The following NCAM2 variants were observed in gnomAD, a reference collection of about 807,000 sequenced individuals.
The protein encoded by NCAM2 is N-CAM-2.
In NCAM2, 30 loss-of-function variants were observed where a neutral mutation model predicts 98.1. The ratio of observed to expected loss-of-function variants is 0.31; its 90% CI spans 0.23 to 0.41. NCAM2 has a LOEUF of 0.41. NCAM2 is among the 10% of genes least tolerant of loss of function. NCAM2 has a pLI of 1.00. For synonymous variants in NCAM2, 368 were observed against 342.4 expected, an observed-to-expected ratio of 1.07 and a Z score of -0.83; for missense variants, 867 against 1,005.8, an observed-to-expected ratio of 0.86 and a Z score of 1.87.
At chr21:21,073,668 C>T (rs138706438) in intron 1 of NCAM2, among the ~76,000 whole-genome samples, 3 of 152,270 alleles carry the variant, frequency 2.0e-5, no homozygotes, top group African/African-American at 7.2e-5. Flanking sequence ...CTTTAACATA[C>T]CTCAGACCGA....
At chr21:21,521,394 A>G (rs912332036) in intron 16 of NCAM2, among the ~76,000 whole-genome samples, 19 of 152,150 alleles carry the variant, frequency 1.2e-4, no homozygotes, top group African/African-American at 4.6e-4. Flanking sequence ...AAAAAATTAC[A>G]AGGAGTACTG....
chr21:21,071,666 C>A (rs904297465), intron 1 of NCAM2, among the ~76,000 whole-genome samples: 19 of 152,078 alleles, frequency 1.2e-4, no homozygotes, highest in Non-Finnish European at 2.5e-4. Flanking sequence ...ATAATATTAA[C>A]TTGGTTTTAA....
intron 6 of NCAM2, among the ~76,000 whole-genome samples, chr21:21,331,578 T>TAGAG (rs1168700185): frequency 4.7e-4 from 1 of 2,150 alleles, no homozygotes; most frequent in Non-Finnish European, 4.5e-3. Context: ...CATATATATA[T>TAGAG]AGAGAGAGAG....
At chr21:21,168,448 A>T (rs1601551425) in intron 1 of NCAM2, among the ~76,000 whole-genome samples, 1 of 152,242 alleles carries the variant, frequency 6.6e-6, no homozygotes. Flanking sequence ...TTGCTATGCA[A>T]TAAAAAAATA....
chr21:21,537,944 A>G lies in NCAM2; in HGVS notation c.2501A>G (p.Asp834Gly), dbSNP rs770745163. Reference sequence around the variant, plus strand: ...GACATCATTCAATCAAAAGAAGACGACAGCAAAGCATAACAACAATATTAC... The same window carrying G: ...GACATCATTCAATCAAAAGAAGACGGCAGCAAAGCATAACAACAATATTAC... ...SNDIIQSKED[D>G]SKA The change falls in exon 18 of 18, where the codon GAC (aspartate) becomes GGC (glycine). Residue 834 changes from aspartate (D) to glycine (G), a missense_variant. Asp to Gly is a moderately conservative substitution (Grantham distance 94, BLOSUM62 -1). This residue lies in a region of NCAM2 where 125 missense variants were observed against 116.1 expected (regional missense o/e 1.08). Transcript: ENST00000400546. 49 of 1,544,100 alleles carry G rather than the reference A, an allele frequency of 3.2e-5. No individual in the cohort carries two copies. The Admixed American group carries it at 9.4e-4, about 30-fold the overall frequency.
intron 1 of NCAM2, among the ~76,000 whole-genome samples, chr21:21,064,998 G>A (rs1262431165): frequency 6.6e-6 from 1 of 151,988 alleles, no homozygotes; most frequent in Non-Finnish European, 1.5e-5. Context: ...TGACCAACAT[G>A]GTGAAACCCC....
intron 1 of NCAM2, among the ~76,000 whole-genome samples, chr21:21,103,066 G>A (rs977950431): frequency 2.0e-5 from 3 of 151,962 alleles, no homozygotes; most frequent in African/African-American, 4.8e-5. Context: ...AGCTTTCATC[G>A]TTTTTAAGAA....
chr21:21,473,874 A>G (rs1984801657), intron 14 of NCAM2, among the ~76,000 whole-genome samples: 1 of 146,196 alleles, frequency 6.8e-6, no homozygotes, highest in Non-Finnish European at 1.5e-5. Flanking sequence ...AGTACCCTGA[A>G]TTGCCATATG....
intron 1 of NCAM2, among the ~76,000 whole-genome samples, chr21:21,212,755 T>TG (rs2069708835): frequency 6.6e-6 from 1 of 150,902 alleles, no homozygotes; most frequent in Non-Finnish European, 1.5e-5. Context: ...TTTTTTTTTT[T>TG]TTTTTGAAGT....
rs770544334 is a variant in NCAM2 at position 21,284,283 on chromosome 21, G to A, written c.220G>A (p.Val74Ile). The A allele has an allele frequency of 2.5e-6, 4 of 1,611,910 alleles. No homozygotes were observed. The highest frequency in any genetic ancestry group is 2.5e-6 in the Non-Finnish European group (3 of 1,178,222). ...TQRVVVQKEG[V>I]RSRLTIYNAN... ...GAGGGTAGTAGTGCAAAAGGAAGGT[G>A]TTAGGTCACGGTTAACCATCTACAA... Residue 74 changes from valine to isoleucine, a missense_variant, in exon 3 of 18, where the codon GTT becomes ATT. Transcript: ENST00000400546.
rs372079581 is a variant in NCAM2, at chr21:21,251,638, C to G, written c.56-28940C>G. On this transcript the variant is annotated intron_variant, in intron 1 of 17. Transcript: ENST00000400546. ...CATACGTGTGCCTTTGGGAATATAC[C>G]CAGTAATGGGATTACAGGGTCAAGT... 6.1e-4 allele frequency among the ~76,000 whole-genome samples: 93 copies of G among 152,010 alleles called. 1 individual carries two copies. In the South Asian group the frequency reaches 0.019, roughly 31 times the overall value.
chr21:21,378,324 C>T (rs1168236100), intron 9 of NCAM2, among the ~76,000 whole-genome samples: 2 of 151,930 alleles, frequency 1.3e-5, no homozygotes, highest in Admixed American at 1.3e-4. Context: ...TTTTTATCTA[C>T]TTCCTCTTCA....
intron 12 of NCAM2, among the ~76,000 whole-genome samples, chr21:21,460,203 T>G (rs1982766242): frequency 6.6e-6 from 1 of 152,012 alleles, no homozygotes; most frequent in Non-Finnish European, 1.5e-5. Context: ...TTCCTTATAA[T>G]TCGCGTTTAT....
intron 1 of NCAM2, among the ~76,000 whole-genome samples, chr21:21,213,641 A>G (rs1431658926): frequency 1.3e-5 from 2 of 152,188 alleles, no homozygotes; most frequent in Non-Finnish European, 2.9e-5. Context: ...AGTTCTCCAA[A>G]GACTCAGGCC....
At chr21:21,517,735 G>A (rs1014627496) in intron 16 of NCAM2, among the ~76,000 whole-genome samples, 5 of 152,088 alleles carry the variant, frequency 3.3e-5, no homozygotes, top group Non-Finnish European at 7.4e-5. Flanking sequence ...GTGCATGCCT[G>A]TAATCCCAGC....
chr21:21,267,874 T>C (rs562598087), intron 1 of NCAM2, among the ~76,000 whole-genome samples: 19 of 152,132 alleles, frequency 1.2e-4, no homozygotes, highest in Non-Finnish European at 2.2e-4. Flanking sequence ...TTTCTTGCAG[T>C]TTATACAGTT....
chr21:21,156,454 G>A (rs906733687), intron 1 of NCAM2, among the ~76,000 whole-genome samples: 5 of 151,860 alleles, frequency 3.3e-5, no homozygotes, highest in Admixed American at 6.6e-5. Flanking sequence ...TACAAATACA[G>A]TATACCTAGT....
chr21:21,316,533 CTTT>C (rs34341259), intron 5 of NCAM2, among the ~76,000 whole-genome samples: 2 of 110,898 alleles, frequency 1.8e-5, no homozygotes, highest in Non-Finnish European at 1.7e-5. Context: ...ATCTTTTATT[CTTT>C]TTTTTTTTTT....
intron 1 of NCAM2, among the ~76,000 whole-genome samples, chr21:21,186,845 G>A (rs770968400): frequency 2.6e-5 from 4 of 151,978 alleles, no homozygotes; most frequent in Admixed American, 6.6e-5. Flanking sequence ...ACAAAAATAC[G>A]ATTGTAAATA....
Sources: allele counts gnomAD v4.1 joint callset (sites outside exome capture counted in the v4.1 genomes callset), GRCh38; gene constraint gnomAD v4.1.1; regional missense constraint gnomAD v4.1.1; transcripts MANE v1.5; gene names NCBI Gene and HGNC (gene_info 2026-07-23, HGNC 2026-07-21).